The following BCAS3 variants were observed in gnomAD, a reference collection of about 807,000 sequenced individuals.
BCAS3 encodes BCAS4/BCAS3 fusion.
In BCAS3, 53 loss-of-function variants were observed where a neutral mutation model predicts 116.1. The observed-to-expected ratio is 0.46, with a 90% CI of 0.37 to 0.57. BCAS3 has a LOEUF of 0.57. Among genes scored for constraint, BCAS3 ranks in the 20% least tolerant of loss-of-function variants. The pLI, the probability that BCAS3 is intolerant of heterozygous loss-of-function variation, is 0.00. For synonymous variants in BCAS3, 391 were observed against 408.2 expected (o/e 0.96, Z 0.51); for missense variants, 917 against 1,165.4 (o/e 0.79, Z 3.10).
rs1420878564 is a variant in BCAS3 at position 61,026,510 on chromosome 17, G to T, written c.1638-8156G>T. 6.6e-6 allele frequency among the ~76,000 whole-genome samples: 1 copy of T among 151,928 alleles called. No individual in the cohort carries two copies. The highest frequency in any genetic ancestry group is 1.5e-5 in the Non-Finnish European group (1 of 67,924). On this transcript the variant is annotated intron_variant, in intron 16 of 23. Transcript: ENST00000407086. The surrounding 1 kb of genome is among the most constrained non-coding windows in gnomAD (Gnocchi z 5.0). Reference sequence around the variant, plus strand: ...TGTGTCACATAGCTACACATTTGTTGCTATTGATCTCACTCTTCTCCATCT... The same window carrying T: ...TGTGTCACATAGCTACACATTTGTTTCTATTGATCTCACTCTTCTCCATCT...
At chr17:61,262,918 C>G (rs1258715520) in intron 22 of BCAS3, among the ~76,000 whole-genome samples, 2 of 152,044 alleles carry the variant, frequency 1.3e-5, no homozygotes, top group African/African-American at 4.8e-5. Context: ...TCTCGAATTC[C>G]TGACCTCAGG....
chr17:60,948,666 G>A lies in BCAS3; in HGVS notation c.1221+1314G>A, dbSNP rs556148762. ...CCAAAATAAATGACTATAATGGATT[G>A]AAATGTCTTAAATTTAGAGAACTTA... On this transcript the variant is annotated intron_variant, in intron 14 of 23. Coordinates refer to ENST00000407086, the MANE Select transcript of BCAS3 (RefSeq NM_017679.5). 2.0e-5 allele frequency among the ~76,000 whole-genome samples: 3 copies of A among 152,188 alleles called. No individual in the cohort carries two copies. The East Asian group carries it at 5.8e-4, about 29-fold the overall frequency.
In BCAS3 at chr17:61,275,366, A is replaced by G. The variant is rs566520298; in HGVS notation, c.2426-92961A>G. On this transcript the variant is annotated intron_variant, in intron 22 of 23. Transcript: ENST00000407086. ...AGGATTCATTATAGGGATTAGGTCT[A>G]TACAGGGCCTTATGTGATTGTTGGT... Among the ~76,000 whole-genome samples the G allele has an allele frequency of 1.8e-4, 27 of 152,196 alleles. 1 individual carries two copies. Among genetic ancestry groups the G allele is most frequent in the South Asian group, 1.2e-3 (6 of 4,832 alleles).
intron 15 of BCAS3, among the ~76,000 whole-genome samples, chr17:61,000,103 C>T (rs560023826): frequency 3.0e-4 from 46 of 152,122 alleles, no homozygotes; most frequent in African/African-American, 1.1e-3. Context: ...TCTCTTTTCC[C>T]ATTTAATGCC....
intron 22 of BCAS3, among the ~76,000 whole-genome samples, chr17:61,293,242 T>G (rs1312629223): frequency 2.6e-5 from 4 of 152,164 alleles, no homozygotes; most frequent in African/African-American, 9.7e-5. Flanking sequence ...AAAGGGTAGA[T>G]GTGGAAATAG....
chr17:60,983,724 A>C (rs1343167333), intron 14 of BCAS3, among the ~76,000 whole-genome samples: 1 of 152,208 alleles, frequency 6.6e-6, no homozygotes, highest in Admixed American at 6.5e-5. Context: ...GTTTTGGAAA[A>C]AGATGTTAGA....
Position 61,326,075 on chromosome 17 carries a change from T to C in BCAS3, c.2426-42252T>C, listed in dbSNP as rs2055704624. Among the ~76,000 whole-genome samples, 1 of 152,196 alleles carries C rather than the reference T, an allele frequency of 6.6e-6. No homozygotes were observed. Among genetic ancestry groups the C allele is most frequent in the African/African-American group, 2.4e-5 (1 of 41,450 alleles). On this transcript the variant is annotated intron_variant, in intron 22 of 23. Coordinates refer to ENST00000407086, the MANE Select transcript of BCAS3 (RefSeq NM_017679.5). This position sits in a 1 kb window ranked among gnomAD's most constrained non-coding sequence, Gnocchi z 5.3. The stretch of plus-strand genomic sequence containing the variant: ...TTAAATGCGCACTGCCCGGACACAG[T>C]GGAGCTTGTGAAGTTTGTGGTCTAG...
rs900978491 is a variant in BCAS3, at chr17:61,132,700, G to C, written c.2425+48136G>C. Among the ~76,000 whole-genome samples the C allele has an allele frequency of 6.6e-6, 1 of 152,160 alleles. No individual in the cohort carries two copies. The highest frequency in any genetic ancestry group is 2.4e-5 in the African/African-American group (1 of 41,436). ...TGTACATGCTCCTGGTTTGTGTGCT[G>C]CAGACTGTGTTAAATGCAGAGGAGG... On this transcript the variant is annotated intron_variant, in intron 22 of 23. Coordinates refer to ENST00000407086, the MANE Select transcript of BCAS3 (RefSeq NM_017679.5). The surrounding 1 kb of genome is among the most constrained non-coding windows in gnomAD (Gnocchi z 5.1).
Position 60,889,758 on chromosome 17 carries a change from A to G in BCAS3, c.725A>G (p.Tyr242Cys). The change falls in exon 10 of 24, where the codon TAT (tyrosine) becomes TGT (cysteine). Residue 242 changes from tyrosine to cysteine, a missense_variant. Physicochemically the swap from Tyr to Cys is radical, Grantham distance 194. This residue lies in a region of BCAS3 where 807 missense variants were observed against 1,026.0 expected (regional missense o/e 0.79). Transcript: ENST00000407086. ...PIALGSRWLA[Y>C]AENKLIRCHQ... ...GCTCTTGGGAGCCGCTGGCTTGCTT[A>G]TGCAGAAAACAAGGTAAGACGTGGC... is the stretch of plus-strand genomic sequence containing the variant. 1.2e-6 allele frequency: 2 copies of G among 1,612,894 alleles called. No individual in the cohort carries two copies. The highest frequency in any genetic ancestry group is 1.7e-6 in the Non-Finnish European group (2 of 1,179,616).
At chr17:60,977,773 T>C (rs539408053) in intron 14 of BCAS3, among the ~76,000 whole-genome samples, 1 of 150,752 alleles carries the variant, frequency 6.6e-6, no homozygotes, top group Non-Finnish European at 1.5e-5. Context: ...GTTCTTGCCA[T>C]AGTTTACTGA....
chr17:60,887,303 TCGCG>T (rs2056766702), intron 9 of BCAS3: 2 of 126,834 alleles, frequency 1.6e-5, no homozygotes, highest in African/African-American at 5.4e-5. Context: ...CTGCTTCGGC[TCGCG>T]CACGGTGCAC....
At chr17:60,909,455 A>T (rs938041472) in intron 11 of BCAS3, among the ~76,000 whole-genome samples, 4 of 152,026 alleles carry the variant, frequency 2.6e-5, no homozygotes, top group African/African-American at 9.7e-5. Flanking sequence ...CTCATTGAAG[A>T]TTAATTTGAA....
intron 2 of BCAS3, among the ~76,000 whole-genome samples, chr17:60,682,802 G>T (rs2033379558): frequency 6.6e-6 from 1 of 152,162 alleles, no homozygotes; most frequent in Non-Finnish European, 1.5e-5. Context: ...GATTACAGGT[G>T]TGAGCTACCA....
At chr17:61,246,588 A>G (rs7213509) in intron 22 of BCAS3, among the ~76,000 whole-genome samples, 126,700 of 151,758 alleles carry the variant, frequency 0.83, 53,526 homozygotes, top group East Asian at 0.91. Flanking sequence ...TGTTAGGTGT[A>G]GGCTAGGGGT....
At chr17:60,840,010 A>G (rs1469126779) in intron 7 of BCAS3, among the ~76,000 whole-genome samples, 1 of 152,128 alleles carries the variant, frequency 6.6e-6, no homozygotes, top group Non-Finnish European at 1.5e-5. Context: ...GCCATATTTC[A>G]CATTGCTTTA....
At chr17:61,000,259 G>T (rs1280228259) in intron 15 of BCAS3, among the ~76,000 whole-genome samples, 2 of 152,038 alleles carry the variant, frequency 1.3e-5, no homozygotes, top group Non-Finnish European at 2.9e-5. Flanking sequence ...GTATGATGTT[G>T]GCTATGAGTT....
chr17:61,011,010 T>A (rs1456471060), intron 15 of BCAS3, among the ~76,000 whole-genome samples: 2 of 152,034 alleles, frequency 1.3e-5, no homozygotes, highest in African/African-American at 2.4e-5. Flanking sequence ...CATTTGTCAC[T>A]TACAGGTCTC....
rs2070987467 is a variant in BCAS3, at chr17:61,068,671, A to G, written c.2030-6249A>G. Among the ~76,000 whole-genome samples the G allele has an allele frequency of 6.6e-6, 1 of 152,178 alleles. No homozygotes were observed. The highest frequency in any genetic ancestry group is 6.5e-5 in the Admixed American group (1 of 15,280). On this transcript the variant is annotated intron_variant, in intron 19 of 23. Coordinates refer to ENST00000407086, the MANE Select transcript of BCAS3 (RefSeq NM_017679.5). This position sits in a 1 kb window ranked among gnomAD's most constrained non-coding sequence, Gnocchi z 4.3. ...CTTAACTCTGCCCAAGATTGAAGACATAAGTTTTCACCGCCATTGGTCCCT... is the reference window on the plus strand; with the variant it reads ...CTTAACTCTGCCCAAGATTGAAGACGTAAGTTTTCACCGCCATTGGTCCCT...
chr17:61,044,465 A>AAATATATATATATAT, intron 19 of BCAS3, among the ~76,000 whole-genome samples: 13 of 120,128 alleles, frequency 1.1e-4, no homozygotes, highest in African/African-American at 5.5e-4. Flanking sequence ...AAAAAAAAAA[A>AAATATATATATATAT]ATATATATAT....
Sources: allele counts gnomAD v4.1 joint callset (sites outside exome capture counted in the v4.1 genomes callset), GRCh38; gene constraint gnomAD v4.1.1; regional missense constraint gnomAD v4.1.1; non-coding constraint Gnocchi (gnomAD v3.1); transcripts MANE v1.5; gene names NCBI Gene and HGNC (gene_info 2026-07-23, HGNC 2026-07-21).